RBFOX1: variants seen among roughly 807,000 people sequenced by gnomAD.
The protein encoded by RBFOX1 is RNA binding fox-1 homolog 1.
Under a neutral mutation model 57.7 loss-of-function variants are expected in RBFOX1, and 8 were observed. The ratio of observed to expected loss-of-function variants is 0.14; its 90% CI spans 0.08 to 0.25. RBFOX1 has a LOEUF of 0.25. Ranked by LOEUF, RBFOX1 falls within the 10% of genes least tolerant of loss-of-function variation. The pLI is 1.00. For synonymous variants in RBFOX1, 326 were observed against 222.4 expected (o/e 1.47, Z -4.15); for missense variants, 611 against 548.5 (o/e 1.11, Z -1.14).
At chr16:5,863,461 C>T (rs1002777443) in intron 3 of RBFOX1, among the ~76,000 whole-genome samples, 3 of 152,194 alleles carry the variant, frequency 2.0e-5, no homozygotes, top group African/African-American at 4.8e-5. Flanking sequence ...CCTTAAAGAG[C>T]CCTCCATCCT....
chr16:6,801,948 A>C (rs2085566108), intron 3 of RBFOX1, among the ~76,000 whole-genome samples: 1 of 151,948 alleles, frequency 6.6e-6, no homozygotes, highest in Admixed American at 6.6e-5. Flanking sequence ...ATTTAATCTA[A>C]ATGGGTCTAG....
At chr16:7,143,185 G>A (rs370835533) in intron 4 of RBFOX1, among the ~76,000 whole-genome samples, 11 of 152,028 alleles carry the variant, frequency 7.2e-5, no homozygotes, top group African/African-American at 2.7e-4. Context: ...TAAAAGCAAG[G>A]CATCTGATTC....
intron 3 of RBFOX1, among the ~76,000 whole-genome samples, chr16:6,880,056 C>T (rs2062617276): frequency 6.6e-6 from 1 of 152,132 alleles, no homozygotes; most frequent in African/African-American, 2.4e-5. Context: ...GTAAATTTTC[C>T]TCCAGATTCA....
At chr16:7,371,070 C>G (rs191279495) in intron 4 of RBFOX1, among the ~76,000 whole-genome samples, 2 of 152,124 alleles carry the variant, frequency 1.3e-5, no homozygotes, top group South Asian at 2.1e-4. Context: ...CTCTAAGCAC[C>G]TTTAGTTTTA....
rs2058424230 is a variant in RBFOX1 at position 7,455,934 on chromosome 16, ATAT to A, written c.28-62207_28-62205del. ...TTCTTACAGCACCCCTATTAGGTAAATATTATTAATGTCCCCTGTTTGGAAATG... is the reference window on the plus strand; with the variant it reads ...TTCTTACAGCACCCCTATTAGGTAAATATTAATGTCCCCTGTTTGGAAATG... On this transcript the variant is annotated intron_variant, in intron 4 of 15. Transcript: ENST00000550418. Among the ~76,000 whole-genome samples the A allele has an allele frequency of 2.0e-5, 3 of 152,244 alleles. No individual in the cohort carries two copies. In the South Asian group the frequency reaches 6.2e-4, roughly 32 times the overall value.
chr16:7,281,915 G>A (rs1013718064), intron 4 of RBFOX1, among the ~76,000 whole-genome samples: 2 of 152,074 alleles, frequency 1.3e-5, no homozygotes, highest in Non-Finnish European at 2.9e-5. Flanking sequence ...GGATGGACAG[G>A]AGGTCAGTGG....
At chr16:7,531,584 C>T (rs903497785) in intron 5 of RBFOX1, among the ~76,000 whole-genome samples, 11 of 152,110 alleles carry the variant, frequency 7.2e-5, no homozygotes, top group African/African-American at 2.2e-4. Context: ...TGGGGTCTTC[C>T]ATGAGCCATG....
Position 6,212,631 on chromosome 16 carries a change from C to T in RBFOX1, c.-126-104364C>T, listed in dbSNP as rs564291582. ...CTGAGGCTGGAGAATGGCGTGAACC[C>T]GGGAGGTGGAGCTTGCAGTGAGCTG... On this transcript the variant is annotated intron_variant, in intron 1 of 15. Coordinates refer to ENST00000550418, the MANE Select transcript of RBFOX1 (RefSeq NM_018723.4). Among the ~76,000 whole-genome samples the T allele has an allele frequency of 2.8e-4, 43 of 152,130 alleles. No individual in the cohort carries two copies. In the East Asian group the frequency reaches 4.1e-3, roughly 14 times the overall value.
rs191184554 is a variant in RBFOX1 at position 7,668,865 on chromosome 16, A to G, written c.930+3897A>G. Among the ~76,000 whole-genome samples the G allele has an allele frequency of 2.6e-5, 4 of 152,286 alleles. No homozygotes were observed. In the South Asian group the frequency reaches 8.3e-4, roughly 32 times the overall value. ...AAACAGAGTTGCAATGCAAGGACTA[A>G]GGTTCTTAGATCTACAGAGTCTCTC... On this transcript the variant is annotated intron_variant, in intron 13 of 15. Transcript: ENST00000550418.
intron 3 of RBFOX1, among the ~76,000 whole-genome samples, chr16:6,966,102 C>T (rs1465206611): frequency 2.0e-5 from 3 of 152,122 alleles, no homozygotes; most frequent in East Asian, 1.9e-4. Context: ...GGGTTCTCAA[C>T]CATAGACTGG....
At chr16:7,005,467 C>G (rs754389743) in intron 3 of RBFOX1, among the ~76,000 whole-genome samples, 5 of 152,128 alleles carry the variant, frequency 3.3e-5, no homozygotes, top group Admixed American at 2.6e-4. Context: ...AGATAATTGA[C>G]AGGAATGGGG....
In RBFOX1 at chr16:5,290,651, C is replaced by T. The variant is rs147010556; in HGVS notation, c.219+50546C>T. On this transcript the variant is annotated intron_variant, in intron 1 of 2. Coordinates refer to the RBFOX1 transcript ENST00000585867. ...GTTCACTAGGTGGATAAATGAGGAA[C>T]GGCATAGTGAAGTCCCTGAGGTTGA... Among the ~76,000 whole-genome samples the T allele has an allele frequency of 7.2e-3, 1,081 of 150,862 alleles. 6 individuals are homozygous for T. Among genetic ancestry groups the T allele is most frequent in the Non-Finnish European group, 0.011 (769 of 67,902 alleles).
intron 2 of RBFOX1, among the ~76,000 whole-genome samples, chr16:5,475,945 C>T (rs1447577725): frequency 6.6e-6 from 1 of 152,196 alleles, no homozygotes; most frequent in Admixed American, 6.5e-5. Context: ...GTGGCTCTAG[C>T]TCTTAACCAT....
intron 3 of RBFOX1, among the ~76,000 whole-genome samples, chr16:6,815,679 C>T (rs531641174): frequency 1.3e-5 from 2 of 152,092 alleles, no homozygotes; most frequent in South Asian, 2.1e-4. Flanking sequence ...AGGATTCAAA[C>T]CTAGACTTGT....
At chr16:6,226,472 G>A (rs1285401279) in intron 1 of RBFOX1, among the ~76,000 whole-genome samples, 1 of 151,666 alleles carries the variant, frequency 6.6e-6, no homozygotes, top group Non-Finnish European at 1.5e-5. Context: ...TAGTGAAACT[G>A]AGGTCAGGAA....
intron 12 of RBFOX1, among the ~76,000 whole-genome samples, chr16:7,661,007 G>A (rs761688015): frequency 1.3e-5 from 2 of 152,188 alleles, no homozygotes; most frequent in African/African-American, 2.4e-5. Flanking sequence ...GACTGAGTGG[G>A]ATCATGAGCA....
At chr16:5,748,311 G>C (rs1450906790) in intron 3 of RBFOX1, among the ~76,000 whole-genome samples, 1 of 152,088 alleles carries the variant, frequency 6.6e-6, no homozygotes, top group Non-Finnish European at 1.5e-5. Flanking sequence ...GGTCAATTTT[G>C]GAATAAGTGT....
chr16:7,396,899 C>G (rs1013779713), intron 4 of RBFOX1, among the ~76,000 whole-genome samples: 3 of 152,114 alleles, frequency 2.0e-5, no homozygotes, highest in African/African-American at 4.8e-5. Context: ...CTAGAAGATG[C>G]CACTGCACTC....
At chr16:6,682,470 A>C (rs1384390092) in intron 3 of RBFOX1, among the ~76,000 whole-genome samples, 1 of 152,178 alleles carries the variant, frequency 6.6e-6, no homozygotes, top group Non-Finnish European at 1.5e-5. Flanking sequence ...AATATTAATG[A>C]CATTGAATGT....
Sources: allele counts gnomAD v4.1 joint callset (sites outside exome capture counted in the v4.1 genomes callset), GRCh38; gene constraint gnomAD v4.1.1; transcripts MANE v1.5; gene names NCBI Gene and HGNC (gene_info 2026-07-23, HGNC 2026-07-21).